CNIH3: variants seen among roughly 807,000 people sequenced by gnomAD.
CNIH3 encodes the protein protein cornichon homolog 3.
Under a neutral mutation model 24.1 loss-of-function variants are expected in CNIH3, and 14 were observed. That is an observed-to-expected ratio of 0.58 (90% CI 0.38 to 0.91). The LOEUF is 0.91. Among genes scored for constraint, CNIH3 ranks in the 40% least tolerant of loss-of-function variants. The pLI is 0.00. For missense variants in CNIH3, 178 were observed against 196.8 expected (o/e 0.90, Z 0.57); for synonymous variants, 68 against 73.8 (o/e 0.92, Z 0.40).
intron 1 of CNIH3, among the ~76,000 whole-genome samples, chr1:224,618,557 A>G (rs1262186725): frequency 1.3e-5 from 2 of 152,226 alleles, no homozygotes; most frequent in African/African-American, 4.8e-5. Context: ...GGGCTCTGAC[A>G]GAGAGGAGAG....
intron 1 of CNIH3, among the ~76,000 whole-genome samples, chr1:224,498,166 T>C (rs1223935467): frequency 6.6e-6 from 1 of 152,170 alleles, no homozygotes; most frequent in Non-Finnish European, 1.5e-5. Flanking sequence ...CAGTCTTGCT[T>C]GGCCTGTGCT....
Position 224,458,443 on chromosome 1 carries a change from G to A in CNIH3, n.203+23581G>A, listed in dbSNP as rs1233004031. Among the ~76,000 whole-genome samples the A allele has an allele frequency of 6.6e-6, 1 of 152,200 alleles. No individual in the cohort carries two copies. The highest frequency in any genetic ancestry group is 2.4e-5 in the African/African-American group (1 of 41,434). ...GAGCCGATCGCACAAGGCTTGGCAA[G>A]GCAGATGCTCCCCAGCTCCTGACAT... On this transcript the variant is annotated intron_variant and non_coding_transcript_variant, in intron 1 of 5. Coordinates refer to the CNIH3 transcript ENST00000471578. The surrounding 1 kb of genome is among the most constrained non-coding windows in gnomAD (Gnocchi z 4.3).
intron 1 of CNIH3, among the ~76,000 whole-genome samples, chr1:224,436,602 G>C (rs1457894504): frequency 6.6e-6 from 1 of 152,188 alleles, no homozygotes; most frequent in East Asian, 1.9e-4. Context: ...GCTCGTGTTA[G>C]AATTCTGAAT....
rs547750561 is a variant in CNIH3, at chr1:224,570,912, T to C, written n.516+4648T>C. 2.0e-5 allele frequency among the ~76,000 whole-genome samples: 3 copies of C among 152,248 alleles called. No homozygotes were observed. In the South Asian group the frequency reaches 6.2e-4, roughly 32 times the overall value. Reference sequence around the variant, plus strand: ...AATAGAAATAGGATCATATTTCTTTTTTTTTTTTTCCTGTGTGAATACTCA... The same window carrying C: ...AATAGAAATAGGATCATATTTCTTTCTTTTTTTTTCCTGTGTGAATACTCA... On this transcript the variant is annotated intron_variant and non_coding_transcript_variant, in intron 4 of 5. Transcript: ENST00000471578.
chr1:224,516,776 C>T (rs542635156), intron 1 of CNIH3, among the ~76,000 whole-genome samples: 1 of 152,358 alleles, frequency 6.6e-6, no homozygotes, highest in Admixed American at 6.5e-5. Flanking sequence ...AACTTTGCAG[C>T]ACGTTTTCTT....
chr1:224,697,325 G>A (rs1687231694), intron 3 of CNIH3, among the ~76,000 whole-genome samples: 1 of 152,204 alleles, frequency 6.6e-6, no homozygotes. Context: ...AATTTCTGAA[G>A]TGCAGCTTGG....
At chr1:224,660,845 A>T (rs1685317984) in intron 1 of CNIH3, among the ~76,000 whole-genome samples, 1 of 152,224 alleles carries the variant, frequency 6.6e-6, no homozygotes, top group Non-Finnish European at 1.5e-5. Context: ...TGCAGACGTG[A>T]TGGAAAAGCA....
chr1:224,539,390 A>C (rs138068723), downstream of CNIH3, among the ~76,000 whole-genome samples: 294 of 152,254 alleles, frequency 1.9e-3, 3 homozygotes, highest in Admixed American at 0.017. Flanking sequence ...GCTATAATTT[A>C]AGTACTTTTT....
At chr1:224,486,946 G>A (rs535836768) in intron 1 of CNIH3, among the ~76,000 whole-genome samples, 2 of 152,276 alleles carry the variant, frequency 1.3e-5, no homozygotes, top group South Asian at 2.1e-4. Flanking sequence ...AACAGGCTCC[G>A]GATGGACTAA....
At chr1:224,682,146 G>A (rs951040526) in intron 2 of CNIH3, among the ~76,000 whole-genome samples, 2 of 152,162 alleles carry the variant, frequency 1.3e-5, no homozygotes, top group South Asian at 2.1e-4. Flanking sequence ...TGGAAGAACC[G>A]GGATTCAGTG....
At chr1:224,512,581 A>G (rs888270416), upstream of CNIH3, among the ~76,000 whole-genome samples, 3 of 152,276 alleles carry the variant, frequency 2.0e-5, no homozygotes, top group Admixed American at 6.5e-5. Flanking sequence ...TTTACATTTA[A>G]CAATTTTTAT....
intron 3 of CNIH3, among the ~76,000 whole-genome samples, chr1:224,722,202 G>A (rs1222600260): frequency 1.3e-5 from 2 of 152,166 alleles, no homozygotes; most frequent in African/African-American, 4.8e-5. Context: ...ATGGGATTGG[G>A]CATATTCCAG....
intron 1 of CNIH3, among the ~76,000 whole-genome samples, chr1:224,654,308 G>A (rs761956610): frequency 6.6e-5 from 10 of 152,106 alleles, no homozygotes; most frequent in African/African-American, 2.2e-4. Context: ...GCTTGAACCC[G>A]GGGGTGGAGG....
chr1:224,654,660 T>TG (rs562606528), intron 1 of CNIH3, among the ~76,000 whole-genome samples: 74 of 152,304 alleles, frequency 4.9e-4, no homozygotes, highest in Non-Finnish European at 7.5e-4. Context: ...TTCCTTTAGT[T>TG]ACTTAGGGAC....
downstream of CNIH3, among the ~76,000 whole-genome samples, chr1:224,593,414 C>G (rs1681846908): frequency 6.6e-6 from 1 of 152,190 alleles, no homozygotes. Context: ...GTTTTCAGGT[C>G]ATTACTACTA....
rs912917481 is a variant in CNIH3, at chr1:224,625,621, C to T, written c.81+8366C>T. Among the ~76,000 whole-genome samples, 7 of 152,324 alleles carry T rather than the reference C, an allele frequency of 4.6e-5. No individual in the cohort carries two copies. In the East Asian group the frequency reaches 5.8e-4, roughly 13 times the overall value. ...ATGGAATCCTAGACTTGGTAGCTCT[C>T]TCTGTGTAAGGGAGGCTAACTGAGC... On this transcript the variant is annotated intron_variant, in intron 1 of 5. Coordinates refer to ENST00000272133, the MANE Select transcript of CNIH3 (RefSeq NM_152495.2).
intron 4 of CNIH3, among the ~76,000 whole-genome samples, chr1:224,568,286 CTCAAACAAACAA>C (rs1375381576): frequency 2.8e-5 from 4 of 143,332 alleles, no homozygotes; most frequent in African/African-American, 1.0e-4. Context: ...AAGACTCTGT[CTCAAACAAACAA>C]GCAAACAAAC....
chr1:224,617,006 C>T lies in CNIH3; in HGVS notation c.-169C>T. On this transcript the variant is annotated 5_prime_UTR_variant, in exon 1 of 6. Coordinates refer to ENST00000272133, the MANE Select transcript of CNIH3 (RefSeq NM_152495.2). ...GTCGCCGGAGCCTGCGGGAATCCAG[C>T]GCTTATTCGCTGACCCTCGAGTCGC... 2 of 1,414,216 alleles carry T rather than the reference C, an allele frequency of 1.4e-6. No individual in the cohort carries two copies. The highest frequency in any genetic ancestry group is 1.8e-6 in the Non-Finnish European group (2 of 1,088,866). The allele number at this position is 1,414,216 out of a possible 1,614,324, so 87.6% of individuals were successfully genotyped here.
rs578122798 is a variant in CNIH3 at position 224,455,186 on chromosome 1, TAAAA to T, written n.203+20328_203+20331del. Among the ~76,000 whole-genome samples the T allele has an allele frequency of 3.1e-3, 471 of 152,204 alleles. 1 individual carries two copies. Among genetic ancestry groups the T allele is most frequent in the African/African-American group, 0.011 (436 of 41,524 alleles). ...ATGTAATTGAATACTGTACAGAAAG[TAAAA>T]AAACAGAATGGTTGTATGGGTACTC... On this transcript the variant is annotated intron_variant and non_coding_transcript_variant, in intron 1 of 5. Transcript: ENST00000471578.
Sources: allele counts gnomAD v4.1 joint callset (sites outside exome capture counted in the v4.1 genomes callset), GRCh38; gene constraint gnomAD v4.1.1; non-coding constraint Gnocchi (gnomAD v3.1); transcripts MANE v1.5; gene names NCBI Gene and HGNC (gene_info 2026-07-23, HGNC 2026-07-21).